PACRGL: variants seen among roughly 807,000 people sequenced by gnomAD.
PACRGL encodes PACRG-like protein.
A neutral mutation model predicts 34.5 loss-of-function variants in PACRGL; 38 were observed. The ratio of observed to expected loss-of-function variants is 1.10; its 90% CI spans 0.85 to 1.44. PACRGL has a LOEUF of 1.44. PACRGL is among the 40% of genes most tolerant of loss of function. The pLI, the probability that PACRGL is intolerant of heterozygous loss-of-function variation, is 0.00. For synonymous variants in PACRGL, 128 were observed against 100.1 expected (o/e 1.28, Z -1.66); for missense variants, 305 against 281.4 (o/e 1.08, Z -0.60).
chr4:20,722,165 C>G (rs956073036), intron 7 of PACRGL, among the ~76,000 whole-genome samples: 1 of 152,234 alleles, frequency 6.6e-6, no homozygotes, highest in Admixed American at 6.5e-5. Context: ...TTTGCTAAGA[C>G]CATTGGAAAA....
Position 20,704,471 on chromosome 4 carries a change from A to G in PACRGL, c.-11A>G, listed in dbSNP as rs776282645. On this transcript the variant is annotated 5_prime_UTR_variant, in exon 2 of 9. Transcript: ENST00000503585. ...TTTTTTTTTTTAAACTGCAGGAGTG[A>G]AAGGGAAGCAATGCAGAAATCAGAG... The G allele has an allele frequency of 8.1e-6, 13 of 1,613,564 alleles. No individual in the cohort carries two copies. The highest frequency in any genetic ancestry group is 3.3e-5 in the Admixed American group (2 of 59,940).
chr4:20,709,881 G>A (rs886499045), intron 5 of PACRGL, 108 bp downstream of exon 5: 178 of 847,516 alleles, frequency 2.1e-4, no homozygotes, highest in South Asian at 6.6e-4. Flanking sequence ...TTTGAAAAAC[G>A]AAGCACACAA....
At chr4:20,737,401 G>T (rs772805096), downstream of PACRGL, among the ~76,000 whole-genome samples, 1 of 152,116 alleles carries the variant, frequency 6.6e-6, no homozygotes, top group Non-Finnish European at 1.5e-5. Context: ...TTTTAATGAG[G>T]AGCACTTTGA....
chr4:20,698,972 G>A (rs141311292), upstream of PACRGL, among the ~76,000 whole-genome samples: 745 of 152,256 alleles, frequency 4.9e-3, 7 homozygotes, highest in Non-Finnish European at 7.6e-3. Context: ...CATCCACAAG[G>A]ACTCATAGCT....
chr4:20,738,261 C>T (rs143496607), intron 8 of PACRGL, among the ~76,000 whole-genome samples: 24 of 152,138 alleles, frequency 1.6e-4, no homozygotes, highest in African/African-American at 3.6e-4. Context: ...TCAATGTAAA[C>T]GATATTTTTA....
chr4:20,715,065 A>G (rs1739194488), intron 7 of PACRGL, among the ~76,000 whole-genome samples: 1 of 152,252 alleles, frequency 6.6e-6, no homozygotes, highest in South Asian at 2.1e-4. Flanking sequence ...AAAATGTGGT[A>G]CATACACACC....
At chr4:20,757,172 C>A (rs1291276810), downstream of PACRGL, among the ~76,000 whole-genome samples, 2 of 152,126 alleles carry the variant, frequency 1.3e-5, no homozygotes, top group Admixed American at 1.3e-4. Flanking sequence ...CTCTTCATCT[C>A]TTTATGCCAC....
the PACRGL span, among the ~76,000 whole-genome samples, chr4:20,762,782 G>A: frequency 1.5e-4 from 23 of 152,120 alleles, no homozygotes; most frequent in African/African-American, 5.6e-4. Flanking sequence ...ATTACACTCA[G>A]CAGTTGTGTT....
chr4:20,709,293 A>G (rs1322834896), intron 4 of PACRGL, among the ~76,000 whole-genome samples: 1 of 152,226 alleles, frequency 6.6e-6, no homozygotes. Flanking sequence ...TTAGGGTTAC[A>G]TGATCTATAT....
At chr4:20,737,187 T>C (rs1056206481), downstream of PACRGL, among the ~76,000 whole-genome samples, 3 of 152,130 alleles carry the variant, frequency 2.0e-5, no homozygotes, top group Non-Finnish European at 4.4e-5. Context: ...GGAATTCCAA[T>C]ATTTGGCAGG....
chr4:20,708,412 A>G (rs1578151535), intron 4 of PACRGL, among the ~76,000 whole-genome samples: 2 of 152,124 alleles, frequency 1.3e-5, no homozygotes, highest in East Asian at 3.8e-4. Flanking sequence ...TAGATGATAG[A>G]AAATTTTATT....
chr4:20,701,890 G>A (rs1054675258), intron 1 of PACRGL: 13 of 456,144 alleles, frequency 2.8e-5, no homozygotes, highest in African/African-American at 2.4e-4. Flanking sequence ...TTAAGGTAAA[G>A]GATAAAAATT....
chr4:20,709,895 G>T (rs1338016367), intron 5 of PACRGL, 122 bp downstream of exon 5: 8 of 695,824 alleles, frequency 1.1e-5, no homozygotes, highest in African/African-American at 1.8e-5. Flanking sequence ...CACACAATAG[G>T]CATTGAAACA....
At chr4:20,709,933 T>C (rs1294336155) in intron 5 of PACRGL, 160 bp downstream of exon 5, 1 of 561,586 alleles carries the variant, frequency 1.8e-6, no homozygotes, top group Non-Finnish European at 3.1e-6. Context: ...TGAATTATGA[T>C]TCTTATATAG....
At chr4:20,698,995 T>C (rs1317115962), upstream of PACRGL, among the ~76,000 whole-genome samples, 1 of 152,112 alleles carries the variant, frequency 6.6e-6, no homozygotes, top group Non-Finnish European at 1.5e-5. Flanking sequence ...TAAGGGGTGG[T>C]GAGTTTTAGA....
At chr4:20,699,631 G>A (rs1731500674), upstream of PACRGL, among the ~76,000 whole-genome samples, 4 of 152,160 alleles carry the variant, frequency 2.6e-5, no homozygotes. Context: ...CTCAGACAAT[G>A]CCAATTTAGT....
intron 8 of PACRGL, among the ~76,000 whole-genome samples, chr4:20,743,768 A>T (rs2149314985): frequency 6.6e-6 from 1 of 152,276 alleles, no homozygotes; most frequent in South Asian, 2.1e-4. Flanking sequence ...AAATTGACAA[A>T]TGGGATCTAA....
rs180780535 is a variant in PACRGL, at chr4:20,723,601, C to G, written c.610-1207C>G. 7.2e-3 allele frequency among the ~76,000 whole-genome samples: 1,092 copies of G among 152,214 alleles called. 3 individuals carry two copies. The highest frequency in any genetic ancestry group is 0.012 in the Non-Finnish European group (805 of 68,010). On this transcript the variant is annotated intron_variant, in intron 7 of 8. Coordinates refer to ENST00000503585, the MANE Select transcript of PACRGL (RefSeq NM_001258345.3). ...AAGGCTTCCTAAATAGCCTCTAAGT[C>G]CCACCTCCGATGGCAGAAAGAAAAG...
intron 1 of PACRGL, among the ~76,000 whole-genome samples, chr4:20,703,649 TG>T (rs1223002355): frequency 2.0e-5 from 3 of 152,132 alleles, no homozygotes; most frequent in Non-Finnish European, 4.4e-5. Flanking sequence ...CAGTATTCCC[TG>T]GGTGAGTAAC....
Sources: allele counts gnomAD v4.1 joint callset (sites outside exome capture counted in the v4.1 genomes callset), GRCh38; gene constraint gnomAD v4.1.1; transcripts MANE v1.5; gene names NCBI Gene and HGNC (gene_info 2026-07-23, HGNC 2026-07-21).